PALS2: variants seen among roughly 807,000 people sequenced by gnomAD.
The protein encoded by PALS2 is protein PALS2.
A neutral mutation model predicts 61.6 loss-of-function variants in PALS2; 27 were observed. The observed-to-expected ratio is 0.44, with a 90% CI of 0.32 to 0.60. The LOEUF is 0.60. Among genes scored for constraint, PALS2 ranks in the 20% least tolerant of loss-of-function variants. The pLI is 0.05. For synonymous variants in PALS2, 236 were observed against 218.6 expected (o/e 1.08, Z -0.70); for missense variants, 554 against 639.4 (o/e 0.87, Z 1.44).
intron 1 of PALS2, among the ~76,000 whole-genome samples, chr7:24,597,454 CTT>C (rs1302803693): frequency 6.6e-6 from 1 of 152,024 alleles, no homozygotes; most frequent in Admixed American, 6.6e-5. Flanking sequence ...ACAGACTACT[CTT>C]TGAAAAGTGT....
intron 5 of PALS2, among the ~76,000 whole-genome samples, chr7:24,655,270 A>T (rs563337077): frequency 6.6e-6 from 1 of 152,348 alleles, no homozygotes; most frequent in Admixed American, 6.5e-5. Flanking sequence ...TAATAAGCAT[A>T]TAAACCCCAA....
intron 9 of PALS2, among the ~76,000 whole-genome samples, chr7:24,677,492 G>T (rs902903873): frequency 6.6e-6 from 1 of 151,784 alleles, no homozygotes; most frequent in Non-Finnish European, 1.5e-5. Flanking sequence ...CATTCAGTAT[G>T]ATATTGGCTG....
chr7:24,600,983 G>C (rs1213996681), intron 1 of PALS2, among the ~76,000 whole-genome samples: 4 of 152,038 alleles, frequency 2.6e-5, no homozygotes, highest in African/African-American at 9.7e-5. Flanking sequence ...ATGGATGAAA[G>C]ACTAGAGGTG....
chr7:24,578,078 G>T (rs1310186561), intron 1 of PALS2, among the ~76,000 whole-genome samples: 1 of 151,698 alleles, frequency 6.6e-6, no homozygotes, highest in East Asian at 1.9e-4. Context: ...TGGTAGCTAG[G>T]ACTATAGGCA....
intron 3 of PALS2, among the ~76,000 whole-genome samples, chr7:24,647,689 CTTCCTTTTACTAAGT>C (rs961373438): frequency 6.6e-6 from 1 of 152,164 alleles, no homozygotes; most frequent in Non-Finnish European, 1.5e-5. Flanking sequence ...GTACTTGATC[CTTCCTTTTACTAAGT>C]TTCAAAGTGA....
rs200055071 is a variant in PALS2, at chr7:24,584,433, T to C, written c.-3+10840T>C. Among the ~76,000 whole-genome samples, 86 of 150,814 alleles carry C rather than the reference T, an allele frequency of 5.7e-4. No homozygotes were observed. In the East Asian group the frequency reaches 0.015, roughly 25 times the overall value. Reference sequence around the variant, plus strand: ...GCCAGTGATGATGAGCATTTTTTCATGTGTTTTTTGGCTGCATAAATGTCT... The same window carrying C: ...GCCAGTGATGATGAGCATTTTTTCACGTGTTTTTTGGCTGCATAAATGTCT... On this transcript the variant is annotated intron_variant, in intron 1 of 11. Transcript: ENST00000222644.
intron 5 of PALS2, among the ~76,000 whole-genome samples, chr7:24,659,512 A>T (rs1786606513): frequency 6.6e-6 from 1 of 152,148 alleles, no homozygotes; most frequent in South Asian, 2.1e-4. Flanking sequence ...TTATTTTTTG[A>T]CATTTTAGTA....
chr7:24,593,336 T>A (rs889635429), intron 1 of PALS2, among the ~76,000 whole-genome samples: 2 of 152,130 alleles, frequency 1.3e-5, no homozygotes, highest in African/African-American at 4.8e-5. Flanking sequence ...TCCCTCAAAG[T>A]CATTGATGAG....
rs993362008 is a variant in PALS2 at position 24,618,123 on chromosome 7, T to C, written c.-2-5543T>C. Among the ~76,000 whole-genome samples the C allele has an allele frequency of 1.3e-5, 2 of 152,142 alleles. No homozygotes were observed. Among genetic ancestry groups the C allele is most frequent in the Admixed American group, 1.3e-4 (2 of 15,290 alleles). ...AGAGGCTAGCCTGCCAGGCTGTTTTTCAGGCTCAGGACATGGGTGTGCAAC... is the reference window on the plus strand; with the variant it reads ...AGAGGCTAGCCTGCCAGGCTGTTTTCCAGGCTCAGGACATGGGTGTGCAAC... On this transcript the variant is annotated intron_variant, in intron 1 of 11. Transcript: ENST00000222644. The surrounding 1 kb of genome is among the most constrained non-coding windows in gnomAD (Gnocchi z 5.1).
At chr7:24,647,641 T>C (rs1785911658) in intron 3 of PALS2, among the ~76,000 whole-genome samples, 1 of 152,224 alleles carries the variant, frequency 6.6e-6, no homozygotes, top group African/African-American at 2.4e-5. Context: ...TCTCATCAAC[T>C]GGGCTGCTTA....
At position 24,649,604 on chromosome 7, in the gene PALS2, C is replaced by G; in HGVS notation, c.271-8C>G. 1 of 1,583,218 alleles carries G rather than the reference C, an allele frequency of 6.3e-7. No individual in the cohort carries two copies. Among genetic ancestry groups the G allele is most frequent in the Non-Finnish European group, 8.6e-7 (1 of 1,166,504 alleles). On this transcript the variant is annotated splice_region_variant and splice_polypyrimidine_tract_variant and intron_variant, in intron 3 of 11. Transcript: ENST00000222644. ...TAAATAACCACAGGCTATTTTGACT[C>G]CTTATAGTCACTGTTGGAGGCCCAT... is the stretch of plus-strand genomic sequence containing the variant.
chr7:24,619,605 C>G (rs1224387790), intron 1 of PALS2, among the ~76,000 whole-genome samples: 1 of 151,470 alleles, frequency 6.6e-6, no homozygotes, highest in Non-Finnish European at 1.5e-5. Context: ...GTAGTCCCAG[C>G]TACTCGGGAG....
intron 1 of PALS2, among the ~76,000 whole-genome samples, chr7:24,607,503 GTGTATATATA>G (rs1783946151): frequency 1.3e-5 from 2 of 150,974 alleles, no homozygotes; most frequent in Admixed American, 6.6e-5. Context: ...TGATATATAT[GTGTATATATA>G]TGTGTATATA....
intron 1 of PALS2, among the ~76,000 whole-genome samples, chr7:24,599,558 G>A (rs1320544786): frequency 1.4e-5 from 2 of 144,280 alleles, no homozygotes; most frequent in Non-Finnish European, 3.0e-5. Flanking sequence ...AGGCTGGAGT[G>A]GAGTGGTGTG....
At chr7:24,624,896 G>T (rs971838927) in intron 2 of PALS2, among the ~76,000 whole-genome samples, 2 of 151,982 alleles carry the variant, frequency 1.3e-5, no homozygotes, top group Non-Finnish European at 2.9e-5. Context: ...CACCAGGCCC[G>T]GCCAATGATA....
chr7:24,670,015 T>C (rs923258972), intron 9 of PALS2, among the ~76,000 whole-genome samples: 2 of 152,210 alleles, frequency 1.3e-5, no homozygotes, highest in Non-Finnish European at 2.9e-5. Context: ...GCCTCACTTA[T>C]GAAAAACAGT....
intron 1 of PALS2, among the ~76,000 whole-genome samples, chr7:24,575,543 ATG>A (rs1331075331): frequency 3.9e-5 from 6 of 152,134 alleles, no homozygotes; most frequent in Non-Finnish European, 5.9e-5. Context: ...CTGTGACTCT[ATG>A]TGTTATCTTT....
chr7:24,657,831 G>A (rs1348672494), intron 5 of PALS2, among the ~76,000 whole-genome samples: 2 of 152,000 alleles, frequency 1.3e-5, no homozygotes, highest in African/African-American at 2.4e-5. Flanking sequence ...TTCTATCTAT[G>A]CTGTACCTCT....
intron 5 of PALS2, among the ~76,000 whole-genome samples, chr7:24,658,862 C>A (rs948965243): frequency 6.6e-6 from 1 of 151,950 alleles, no homozygotes; most frequent in South Asian, 2.1e-4. Flanking sequence ...GCCCTTCCAA[C>A]TTCTAGGTTC....
Sources: allele counts gnomAD v4.1 joint callset (sites outside exome capture counted in the v4.1 genomes callset), GRCh38; gene constraint gnomAD v4.1.1; non-coding constraint Gnocchi (gnomAD v3.1); transcripts MANE v1.5; gene names NCBI Gene and HGNC (gene_info 2026-07-23, HGNC 2026-07-21).